ZNF599: variants seen among roughly 807,000 people sequenced by gnomAD.
ZNF599 encodes the protein zinc finger protein 599.
A neutral mutation model predicts 11.7 loss-of-function variants in ZNF599; 10 were observed. That is an observed-to-expected ratio of 0.86 (90% CI 0.53 to 1.45). ZNF599 has a LOEUF of 1.45. ZNF599 is among the 40% of genes most tolerant of loss of function. The pLI, the probability that ZNF599 is intolerant of heterozygous loss-of-function variation, is 0.00. For synonymous variants in ZNF599, 232 were observed against 253.2 expected (o/e 0.92, Z 0.79); for missense variants, 688 against 713.6 (o/e 0.96, Z 0.41).
At chr19:34,767,449 GA>G (rs1284865030) in intron 2 of ZNF599, 38 bp from the exon 3 acceptor site, 4 of 1,550,162 alleles carry the variant, frequency 2.6e-6, no homozygotes, top group Non-Finnish European at 3.6e-6. Context: ...GGTGTACAGG[GA>G]AAGACAAAAA....
upstream of ZNF599, among the ~76,000 whole-genome samples, chr19:34,774,386 C>T (rs1260487779): frequency 6.6e-6 from 1 of 152,204 alleles, no homozygotes; most frequent in Non-Finnish European, 1.5e-5. Context: ...CTTGTCTCAT[C>T]AAGACACTTT....
At chr19:34,766,096 G>A (rs1378935552) in intron 3 of ZNF599, among the ~76,000 whole-genome samples, 1 of 152,148 alleles carries the variant, frequency 6.6e-6, no homozygotes, top group Non-Finnish European at 1.5e-5. Flanking sequence ...GTCCTTTTAG[G>A]CATGATGAGT....
chr19:34,789,524 C>T, the ZNF599 span, among the ~76,000 whole-genome samples: 2 of 152,156 alleles, frequency 1.3e-5, no homozygotes, highest in Non-Finnish European at 2.9e-5. Context: ...GTGCTCTTTT[C>T]TCTTTTTGAT....
At chr19:34,793,180 C>T in the ZNF599 span, among the ~76,000 whole-genome samples, 1 of 152,072 alleles carries the variant, frequency 6.6e-6, no homozygotes, top group Non-Finnish European at 1.5e-5. Context: ...TGAGGTATGC[C>T]TTATGGTATA....
At chr19:34,765,931 TCAGGAGA>T (rs1479878338) in intron 3 of ZNF599, among the ~76,000 whole-genome samples, 1 of 152,060 alleles carries the variant, frequency 6.6e-6, no homozygotes, top group African/African-American at 2.4e-5. Flanking sequence ...AGGTGAGGAT[TCAGGAGA>T]CATGAGTGAT....
the ZNF599 span, among the ~76,000 whole-genome samples, chr19:34,805,806 T>A: frequency 6.6e-6 from 1 of 152,164 alleles, no homozygotes. Flanking sequence ...CCTACTCTCC[T>A]GCTAGCAAGA....
the ZNF599 span, among the ~76,000 whole-genome samples, chr19:34,783,591 T>G: frequency 6.6e-6 from 1 of 152,178 alleles, no homozygotes; most frequent in African/African-American, 2.4e-5. Context: ...TTCTAGGAAT[T>G]AGCTGGCCCT....
the ZNF599 span, among the ~76,000 whole-genome samples, chr19:34,782,722 G>A: frequency 6.6e-6 from 1 of 152,180 alleles, no homozygotes; most frequent in Non-Finnish European, 1.5e-5. Flanking sequence ...AGGTCACTAG[G>A]GAAGATGTGA....
the ZNF599 span, among the ~76,000 whole-genome samples, chr19:34,802,804 C>G: frequency 6.6e-6 from 1 of 152,138 alleles, no homozygotes; most frequent in Admixed American, 6.5e-5. Context: ...AGCCGCATGT[C>G]CCCACTAAGA....
intron 1 of ZNF599, among the ~76,000 whole-genome samples, chr19:34,771,740 T>C (rs1166860781): frequency 6.6e-6 from 1 of 152,136 alleles, no homozygotes; most frequent in African/African-American, 2.4e-5. Flanking sequence ...CCCCAGAGGA[T>C]AGAATCTCAT....
At chr19:34,807,555 G>C in the ZNF599 span, among the ~76,000 whole-genome samples, 1 of 152,230 alleles carries the variant, frequency 6.6e-6, no homozygotes, top group African/African-American at 2.4e-5. Flanking sequence ...TTTCTGAACA[G>C]GTAAAACAGC....
intron 1 of ZNF599, 32 bp downstream of exon 1, chr19:34,772,792 A>C: frequency 6.5e-7 from 1 of 1,534,772 alleles, no homozygotes; most frequent in Non-Finnish European, 8.7e-7. Flanking sequence ...CGGTGACCCG[A>C]GCTCGCGCGG....
At chr19:34,787,233 TCA>T in the ZNF599 span, among the ~76,000 whole-genome samples, 3 of 149,460 alleles carry the variant, frequency 2.0e-5, no homozygotes, top group Admixed American at 6.6e-5. Context: ...ATCATCATCA[TCA>T]TCATCATCAT....
At chr19:34,765,005 T>G in intron 3 of ZNF599, 1 of 149,272 alleles carries the variant, frequency 6.7e-6, no homozygotes, top group African/African-American at 2.5e-5. Context: ...TGAAATAGAG[T>G]CAACAATATG....
Position 34,759,088 on chromosome 19 carries a change from G to A in ZNF599, c.1713C>T (p.Thr571=). The part of the protein sequence containing the change: ...KPFECNECGK[T]FSHSSSFTHH... ...GAGTGAACGATGAACTGTGGCTGAA[G>A]GTCTTTCCACATTCATTGCATTCAA... The change falls in exon 4 of 4, where the codon ACC becomes ACT. Residue 571 remains threonine (T), a synonymous_variant. Coordinates refer to ENST00000329285, the MANE Select transcript of ZNF599 (RefSeq NM_001007248.3). 1 of 1,614,050 alleles carries A rather than the reference G, an allele frequency of 6.2e-7. No homozygotes were observed. The highest frequency in any genetic ancestry group is 8.5e-7 in the Non-Finnish European group (1 of 1,179,912).
the ZNF599 span, among the ~76,000 whole-genome samples, chr19:34,781,580 G>A: frequency 2.0e-5 from 3 of 152,210 alleles, no homozygotes; most frequent in South Asian, 2.1e-4. Context: ...CAACTGCTGC[G>A]CAGTAGTAAG....
upstream of ZNF599, among the ~76,000 whole-genome samples, chr19:34,777,387 AATATATAATATATATT>A (rs1210896095): frequency 2.5e-3 from 224 of 89,230 alleles, 1 homozygote; most frequent in East Asian, 0.013. Context: ...TATATTAATT[AATATATAATATATATT>A]ATATATAATA....
In ZNF599 at chr19:34,758,179, TTA is replaced by T. The variant is rs2069083572; in HGVS notation, c.*853_*854del. 6.6e-6 allele frequency: 1 copy of T among 152,144 alleles called. No individual in the cohort carries two copies. Among genetic ancestry groups the T allele is most frequent in the African/African-American group, 2.4e-5 (1 of 41,432 alleles). The allele number at this position is 152,144 out of a possible 1,614,324, so 9.4% of individuals were successfully genotyped here. The stretch of plus-strand genomic sequence containing the variant: ...ACAAACAAATACCCATAGAAGAAGG[TTA>T]TGTGTTGACTGGTTGATAAAAATGT... On this transcript the variant is annotated 3_prime_UTR_variant, in exon 4 of 4. Transcript: ENST00000329285.
the ZNF599 span, among the ~76,000 whole-genome samples, chr19:34,778,584 A>G: frequency 1.3e-5 from 2 of 152,194 alleles, no homozygotes; most frequent in Non-Finnish European, 2.9e-5. Context: ...CAAACACTAC[A>G]AGTCAGAATT....
Sources: gnomAD v4.1 joint callset for allele counts (sites outside exome capture counted in the v4.1 genomes callset) on GRCh38, gnomAD v4.1.1 for gene constraint, MANE v1.5 for transcripts, NCBI Gene and HGNC (gene_info 2026-07-23, HGNC 2026-07-21) for gene names.